The following L2HGDH variants were observed in gnomAD, a reference collection of about 807,000 sequenced individuals.
L2HGDH encodes the protein L-2-hydroxyglutarate dehydrogenase, mitochondrial.
In L2HGDH, 34 loss-of-function variants were observed where a neutral mutation model predicts 51.5. That is an observed-to-expected ratio of 0.66 (90% CI 0.50 to 0.88). The LOEUF is 0.88. L2HGDH is among the 40% of genes least tolerant of loss of function. The pLI is 0.00. For synonymous variants in L2HGDH, 198 were observed against 197.9 expected, an observed-to-expected ratio of 1.00 and a Z score of -0.01; for missense variants, 558 against 571.9, an observed-to-expected ratio of 0.98 and a Z score of 0.25.
At chr14:50,262,043 G>T (rs906331273) in intron 9 of L2HGDH, among the ~76,000 whole-genome samples, 1 of 152,176 alleles carries the variant, frequency 6.6e-6, no homozygotes, top group African/African-American at 2.4e-5. Context: ...AATGCCTGAT[G>T]TGCTTTCACT....
At chr14:50,298,112 C>T (rs867375198) in intron 3 of L2HGDH, among the ~76,000 whole-genome samples, 9 of 150,264 alleles carry the variant, frequency 6.0e-5, no homozygotes, top group Admixed American at 2.6e-4. Context: ...GGCATGGTGG[C>T]GTGAGCCTGT....
chr14:50,294,659 T>A (rs1417550256), intron 3 of L2HGDH, among the ~76,000 whole-genome samples: 6 of 152,156 alleles, frequency 3.9e-5, no homozygotes. Flanking sequence ...ATGTAAAATA[T>A]CAGCACATCA....
intron 6 of L2HGDH, among the ~76,000 whole-genome samples, chr14:50,276,411 C>T (rs1167944098): frequency 6.6e-6 from 1 of 152,158 alleles, no homozygotes; most frequent in Admixed American, 6.5e-5. Context: ...ATACATTTCT[C>T]CATACATTAC....
intron 6 of L2HGDH, among the ~76,000 whole-genome samples, chr14:50,271,272 T>A (rs577754951): frequency 6.6e-6 from 1 of 152,370 alleles, no homozygotes; most frequent in Non-Finnish European, 1.5e-5. Context: ...GATTGGCAGT[T>A]CTTTCGTTCT....
rs1295246630 is a variant in L2HGDH at position 50,242,653 on chromosome 14, G to C, written c.*4405C>G. On this transcript the variant is annotated 3_prime_UTR_variant, in exon 10 of 10. Transcript: ENST00000267436. ...TACAAACTATTTGAAAACATCTCGA[G>C]GCAGCTTTTGCTTTCCCAACCATTT... The C allele has an allele frequency of 1.0e-6, 1 of 985,350 alleles. No homozygotes were observed. Among genetic ancestry groups the C allele is most frequent in the African/African-American group, 1.7e-5 (1 of 57,320 alleles). 61.0% of individuals were successfully genotyped at this position (985,350 alleles called of 1,614,324 possible). A position where few individuals can be genotyped will look rare whatever the true frequency, so the allele number is the denominator to read the frequency against.
intron 9 of L2HGDH, among the ~76,000 whole-genome samples, chr14:50,264,586 A>G (rs1038409157): frequency 1.1e-4 from 16 of 152,172 alleles, no homozygotes; most frequent in African/African-American, 3.6e-4. Context: ...ACAGGTTTTA[A>G]TGGAGCTGGA....
chr14:50,244,815 C>T lies in L2HGDH; in HGVS notation c.*2243G>A. The T allele has an allele frequency of 2.0e-6, 2 of 985,316 alleles. No individual in the cohort carries two copies. The highest frequency in any genetic ancestry group is 2.4e-6 in the Non-Finnish European group (2 of 829,924). 61.0% of individuals were successfully genotyped at this position (985,316 alleles called of 1,614,324 possible). ...CAACCAAAATGCACATCCTTCTCAC[C>T]CATCCATCATACAGCTTTGGAGAGC... On this transcript the variant is annotated 3_prime_UTR_variant, in exon 10 of 10. Transcript: ENST00000267436.
chr14:50,276,966 G>C (rs183788364), intron 6 of L2HGDH, among the ~76,000 whole-genome samples: 1 of 152,262 alleles, frequency 6.6e-6, no homozygotes, highest in Admixed American at 6.5e-5. Flanking sequence ...CCAAATCCCA[G>C]TAGCTGTGTC....
intron 5 of L2HGDH, among the ~76,000 whole-genome samples, chr14:50,282,068 T>G (rs1378315810): frequency 1.3e-5 from 2 of 152,156 alleles, no homozygotes; most frequent in East Asian, 3.9e-4. Flanking sequence ...TCTCTATCTC[T>G]TGACCTCATG....
chr14:50,301,712 T>C (rs2030417879), intron 3 of L2HGDH, among the ~76,000 whole-genome samples: 2 of 152,112 alleles, frequency 1.3e-5, no homozygotes, highest in South Asian at 4.1e-4. Flanking sequence ...GGGTGTCTTT[T>C]TGGGGTGATG....
intron 9 of L2HGDH, among the ~76,000 whole-genome samples, chr14:50,258,062 C>T (rs1423039991): frequency 1.9e-5 from 2 of 106,410 alleles, no homozygotes; most frequent in South Asian, 2.9e-4. Flanking sequence ...ATTTTAAACA[C>T]GTCAAAAAGT....
Position 50,302,914 on chromosome 14 carries a change from C to G in L2HGDH, c.244G>C (p.Glu82Gln). Residue 82 changes from glutamate to glutamine, a missense_variant, in exon 2 of 10, where the codon GAG becomes CAG. Transcript: ENST00000267436. Reference protein sequence around the residue: ...PSLSIGVLEKEKDLAVHQTGH... With the variant: ...PSLSIGVLEKQKDLAVHQTGH... ...ATTATATACATACCTAAATCTTTCT[C>G]CTTTTCCAGAACACCAATAGAAAGT... is the stretch of plus-strand genomic sequence containing the variant. The G allele has an allele frequency of 1.2e-6, 2 of 1,610,994 alleles. No homozygotes were observed. The highest frequency in any genetic ancestry group is 4.5e-5 in the East Asian group (2 of 44,862).
At chr14:50,260,202 A>T (rs1280602894) in intron 9 of L2HGDH, among the ~76,000 whole-genome samples, 2 of 152,158 alleles carry the variant, frequency 1.3e-5, no homozygotes. Context: ...AATACTTCCC[A>T]GTGCCAAGGG....
At chr14:50,304,624 A>G (rs544283895) in intron 1 of L2HGDH, among the ~76,000 whole-genome samples, 7 of 152,220 alleles carry the variant, frequency 4.6e-5, no homozygotes, top group Non-Finnish European at 7.3e-5. Flanking sequence ...TCACGAGGCC[A>G]GGAGGTTGAG....
intron 1 of L2HGDH, chr14:50,311,571 C>A: frequency 2.3e-6 from 1 of 437,140 alleles, no homozygotes; most frequent in Admixed American, 2.5e-5. Context: ...GTGCCAGGAA[C>A]TGATTTAAGA....
At chr14:50,301,967 T>A (rs2030434359) in intron 3 of L2HGDH, 50 bp downstream of exon 3, 1 of 1,583,338 alleles carries the variant, frequency 6.3e-7, no homozygotes, top group Admixed American at 1.7e-5. Context: ...TAAACATCAC[T>A]AAGCAAATGC....
intron 5 of L2HGDH, among the ~76,000 whole-genome samples, chr14:50,283,562 C>T (rs936848205): frequency 6.6e-6 from 1 of 152,038 alleles, no homozygotes; most frequent in Non-Finnish European, 1.5e-5. Context: ...TCCAGGAACC[C>T]CACAAATACC....
At chr14:50,252,854 A>C (rs1255605564) in intron 9 of L2HGDH, among the ~76,000 whole-genome samples, 6 of 152,098 alleles carry the variant, frequency 3.9e-5, no homozygotes, top group Non-Finnish European at 7.4e-5. Context: ...TAAACACCCC[A>C]CTTTCAGTAT....
chr14:50,300,355 T>C (rs573451377), intron 3 of L2HGDH, among the ~76,000 whole-genome samples: 1 of 151,832 alleles, frequency 6.6e-6, no homozygotes, highest in African/African-American at 2.4e-5. Flanking sequence ...AATTCAGTGG[T>C]GTGGTCTCGC....
Sources: gnomAD v4.1 joint callset for allele counts (sites outside exome capture counted in the v4.1 genomes callset) on GRCh38, gnomAD v4.1.1 for gene constraint, MANE v1.5 for transcripts, NCBI Gene and HGNC (gene_info 2026-07-23, HGNC 2026-07-21) for gene names.